PPA2: variants seen among roughly 807,000 people sequenced by gnomAD.
PPA2 encodes the protein inorganic pyrophosphatase 2, mitochondrial.
In PPA2, 48 loss-of-function variants were observed where a neutral mutation model predicts 49.5. The ratio of observed to expected loss-of-function variants is 0.97; its 90% CI spans 0.77 to 1.23. The LOEUF is 1.23. Among genes scored for constraint, PPA2 ranks in the 50% most tolerant of loss-of-function variants. The pLI is 0.00. For missense variants in PPA2, 429 were observed against 410.1 expected, an observed-to-expected ratio of 1.05 and a Z score of -0.40; for synonymous variants, 131 against 139.9, an observed-to-expected ratio of 0.94 and a Z score of 0.45.
chr4:105,442,114 CTT>C (rs1368402636), intron 5 of PPA2, among the ~76,000 whole-genome samples: 1 of 151,762 alleles, frequency 6.6e-6, no homozygotes, highest in Non-Finnish European at 1.5e-5. Context: ...AACTGATCCT[CTT>C]GTCTTGGGCT....
At chr4:105,473,723 ACTC>A (rs770370481) in intron 1 of PPA2, 168 bp downstream of exon 1, 2 of 1,030,850 alleles carry the variant, frequency 1.9e-6, no homozygotes, top group Admixed American at 3.5e-5. Flanking sequence ...AGTTCTCGTG[ACTC>A]GGTGCGCGCT....
At chr4:105,408,069 A>G (rs993275870) in intron 7 of PPA2, among the ~76,000 whole-genome samples, 3 of 138,120 alleles carry the variant, frequency 2.2e-5, no homozygotes, top group Admixed American at 7.7e-5. Context: ...TAATCTAGAT[A>G]GGCGGGTAGA....
chr4:105,449,306 C>T lies in PPA2; in HGVS notation c.321+44G>A, dbSNP rs772398783. The T allele has an allele frequency of 9.4e-6, 10 of 1,060,322 alleles. No homozygotes were observed. In the Admixed American group the frequency reaches 2.3e-4, roughly 24 times the overall value. The allele number at this position is 1,060,322 out of a possible 1,614,324, so 65.7% of individuals were successfully genotyped here. The stretch of plus-strand genomic sequence containing the variant: ...AACAACTTGCAACAAAGTTTTATAT[C>T]ATTATAATCATTTCGGTTTCATATT... On this transcript the variant is annotated intron_variant, in intron 4 of 11. Transcript: ENST00000341695.
chr4:105,465,902 T>C (rs1723282246), intron 1 of PPA2, among the ~76,000 whole-genome samples: 1 of 152,208 alleles, frequency 6.6e-6, no homozygotes, highest in Non-Finnish European at 1.5e-5. Flanking sequence ...CTGAAACCCA[T>C]ATGAGTCAAA....
At chr4:105,450,448 C>T (rs543213168) in intron 3 of PPA2, among the ~76,000 whole-genome samples, 1 of 151,678 alleles carries the variant, frequency 6.6e-6, no homozygotes, top group African/African-American at 2.4e-5. Context: ...ATGATCTCGG[C>T]TCACTGCAAC....
chr4:105,387,767 G>C (rs1278978866), intron 9 of PPA2, among the ~76,000 whole-genome samples: 1 of 125,622 alleles, frequency 8.0e-6, no homozygotes, highest in Non-Finnish European at 1.9e-5. Context: ...GAACTTAAAA[G>C]TTGAGGGGGA....
At position 105,389,629 on chromosome 4, in the gene PPA2, A is replaced by C. The variant is rs911341280; in HGVS notation, c.870-2993T>G. 9.9e-5 allele frequency among the ~76,000 whole-genome samples: 15 copies of C among 152,110 alleles called. No individual in the cohort carries two copies. In the South Asian group the frequency reaches 1.4e-3, roughly 15 times the overall value. ...AAAATGCTGTGTACAACAAGCCCAAATTACATATAAAAATAATAAAGTATA... is the reference window on the plus strand; with the variant it reads ...AAAATGCTGTGTACAACAAGCCCAACTTACATATAAAAATAATAAAGTATA... On this transcript the variant is annotated intron_variant, in intron 9 of 11. Coordinates refer to ENST00000341695, the MANE Select transcript of PPA2 (RefSeq NM_176869.3).
chr4:105,455,317 C>T (rs1405056660), intron 2 of PPA2, among the ~76,000 whole-genome samples: 2 of 152,188 alleles, frequency 1.3e-5, no homozygotes, highest in South Asian at 2.1e-4. Flanking sequence ...TATACACACG[C>T]ACTTTCACAC....
At chr4:105,426,746 C>T (rs892520296) in intron 6 of PPA2, among the ~76,000 whole-genome samples, 2 of 152,236 alleles carry the variant, frequency 1.3e-5, no homozygotes, top group African/African-American at 2.4e-5. Context: ...AGGCCTACTC[C>T]CTCTCTAGAT....
intron 7 of PPA2, among the ~76,000 whole-genome samples, chr4:105,402,029 G>A (rs769102022): frequency 6.6e-6 from 1 of 152,082 alleles, no homozygotes; most frequent in Non-Finnish European, 1.5e-5. Flanking sequence ...GTGAATTTAT[G>A]AGTACAAAAA....
chr4:105,455,527 A>T (rs1316207525), intron 2 of PPA2, among the ~76,000 whole-genome samples: 3 of 152,186 alleles, frequency 2.0e-5, no homozygotes, highest in Non-Finnish European at 4.4e-5. Flanking sequence ...CAAGGTACTT[A>T]GCCTCGTTAA....
intron 3 of PPA2, 111 bp from the exon 4 acceptor site, chr4:105,449,514 T>C (rs1722576542): frequency 3.2e-6 from 2 of 624,224 alleles, no homozygotes; most frequent in Non-Finnish European, 2.7e-6. Context: ...AAAAAAAATG[T>C]TGAGTCTCCA....
intron 1 of PPA2, among the ~76,000 whole-genome samples, chr4:105,457,792 G>C (rs1722929936): frequency 6.6e-6 from 1 of 152,132 alleles, no homozygotes; most frequent in Non-Finnish European, 1.5e-5. Context: ...TCGAACTCCT[G>C]AGCTCAAACA....
intron 5 of PPA2, among the ~76,000 whole-genome samples, chr4:105,439,983 G>T (rs751916253): frequency 1.3e-5 from 2 of 151,650 alleles, no homozygotes; most frequent in Non-Finnish European, 2.9e-5. Flanking sequence ...TAATCTTAAC[G>T]TGCTGGGGAA....
At chr4:105,473,560 T>C in intron 1 of PPA2, 1 of 525,084 alleles carries the variant, frequency 1.9e-6, no homozygotes. Context: ...GGCCGGCTAA[T>C]GGCTGCAGGC....
At chr4:105,405,495 GAATGGAGAGGGAATATATA>G in intron 7 of PPA2, 1 of 912,892 alleles carries the variant, frequency 1.1e-6, no homozygotes, top group Non-Finnish European at 1.3e-6. Flanking sequence ...TAAACATTTG[GAATGGAGAGGGAATATATA>G]AATAGAATTA....
intron 1 of PPA2, among the ~76,000 whole-genome samples, chr4:105,472,579 A>C (rs1005053518): frequency 1.3e-5 from 2 of 152,156 alleles, no homozygotes; most frequent in Non-Finnish European, 2.9e-5. Context: ...AACCTTTTAG[A>C]ACATAATCCA....
rs9685180 is a variant in PPA2, at chr4:105,454,425, G to C, written c.223-783C>G. On this transcript the variant is annotated intron_variant, in intron 2 of 11. Coordinates refer to ENST00000341695, the MANE Select transcript of PPA2 (RefSeq NM_176869.3). ...GGCTCACTGCAAGCTCTGCCTCCTGGGTTCACGCCATTCTCCTGCCTCAGC... is the reference window on the plus strand; with the variant it reads ...GGCTCACTGCAAGCTCTGCCTCCTGCGTTCACGCCATTCTCCTGCCTCAGC... Among the ~76,000 whole-genome samples, 752 of 152,094 alleles carry C rather than the reference G, an allele frequency of 4.9e-3. 10 individuals carry two copies. Among genetic ancestry groups the C allele is most frequent in the African/African-American group, 0.017 (709 of 41,490 alleles).
intron 6 of PPA2, among the ~76,000 whole-genome samples, chr4:105,436,779 T>C (rs1218394140): frequency 1.3e-5 from 2 of 152,146 alleles, no homozygotes; most frequent in African/African-American, 4.8e-5. Flanking sequence ...GGCTGAAGAA[T>C]GAAACTGGAC....
Sources: allele counts gnomAD v4.1 joint callset (sites outside exome capture counted in the v4.1 genomes callset), GRCh38; gene constraint gnomAD v4.1.1; transcripts MANE v1.5; gene names NCBI Gene and HGNC (gene_info 2026-07-23, HGNC 2026-07-21).